The following KALRN variants were observed in gnomAD, a reference collection of about 807,000 sequenced individuals.
KALRN encodes the protein kalirin.
A neutral mutation model predicts 353.7 loss-of-function variants in KALRN; 70 were observed. That is an observed-to-expected ratio of 0.20 (90% confidence interval 0.16 to 0.24). The LOEUF (loss-of-function observed/expected upper bound fraction) is 0.24, where lower values mean the gene tolerates loss of function less well. Ranked by LOEUF, KALRN falls within the 10% of genes least tolerant of loss-of-function variation. The probability of loss-of-function intolerance (pLI) is 1.00; values close to 1 mark genes in which losing one functional copy is unlikely to be tolerated. For synonymous variants in KALRN, 1,391 were observed against 1,434.8 expected, an observed-to-expected ratio of 0.97 and a Z score of 0.69; for missense variants, 2,791 against 3,756.7, an observed-to-expected ratio of 0.74 and a Z score of 6.72.
At chr3:124,465,794 A>G (rs965472028) in intron 25 of KALRN, among the ~76,000 whole-genome samples, 1 of 152,174 alleles carries the variant, frequency 6.6e-6, no homozygotes, top group East Asian at 1.9e-4. Context: ...ATCTGCCTGT[A>G]ATCCAGAGAG....
At chr3:124,594,620 T>A (rs1561371272) in intron 34 of KALRN, among the ~76,000 whole-genome samples, 2 of 152,228 alleles carry the variant, frequency 1.3e-5, no homozygotes. Context: ...GGTTAAGAGT[T>A]CGGTGGGAAG....
chr3:124,658,879 T>C (rs921849740), intron 42 of KALRN, among the ~76,000 whole-genome samples: 2 of 152,184 alleles, frequency 1.3e-5, no homozygotes, highest in Non-Finnish European at 2.9e-5. Context: ...CTTCTGTTGG[T>C]TGAAGGGTTT....
chr3:124,464,238 T>C (rs2060118170), intron 25 of KALRN, among the ~76,000 whole-genome samples: 1 of 152,212 alleles, frequency 6.6e-6, no homozygotes, highest in African/African-American at 2.4e-5. Flanking sequence ...ACTTTCCCCA[T>C]GTTCTTAGCC....
chr3:124,472,609 C>CTG (rs1673095880), intron 25 of KALRN, among the ~76,000 whole-genome samples: 1 of 122,202 alleles, frequency 8.2e-6, no homozygotes, highest in East Asian at 2.0e-4. Context: ...GTGTGTGTAC[C>CTG]TGTGTGTGTG....
intron 25 of KALRN, among the ~76,000 whole-genome samples, chr3:124,471,966 C>CAAAA (rs34537933): frequency 2.7e-5 from 3 of 110,826 alleles, no homozygotes; most frequent in Non-Finnish European, 3.7e-5. Flanking sequence ...GACTCCGTCT[C>CAAAA]AAAAAAAAAA....
At chr3:124,289,527 A>T (rs1412173159) in intron 5 of KALRN, among the ~76,000 whole-genome samples, 2 of 152,158 alleles carry the variant, frequency 1.3e-5, no homozygotes, top group African/African-American at 4.8e-5. Context: ...TGATTATGGC[A>T]TCTGTTACTT....
At chr3:124,053,878 T>G (rs2149167127) in intron 1 of KALRN, among the ~76,000 whole-genome samples, 1 of 152,354 alleles carries the variant, frequency 6.6e-6, no homozygotes, top group East Asian at 1.9e-4. Context: ...TGGCTTGTTG[T>G]GCATAAACAT....
chr3:124,253,974 A>G (rs752859466), intron 3 of KALRN, among the ~76,000 whole-genome samples: 1 of 152,172 alleles, frequency 6.6e-6, no homozygotes, highest in Non-Finnish European at 1.5e-5. Context: ...CAGCTGTTTT[A>G]AGTGGGAATC....
intron 33 of KALRN, among the ~76,000 whole-genome samples, chr3:124,541,451 AAAAATT>A (rs1224916440): frequency 1.3e-5 from 2 of 151,984 alleles, no homozygotes; most frequent in Non-Finnish European, 2.9e-5. Context: ...CTCTATCTCA[AAAAATT>A]AAAATTAAAA....
chr3:124,157,556 T>G (rs2069184456), intron 1 of KALRN, among the ~76,000 whole-genome samples: 1 of 152,164 alleles, frequency 6.6e-6, no homozygotes. Flanking sequence ...AAAGTGTGAG[T>G]CAGATTCAAT....
chr3:124,124,990 G>T (rs1339425109), intron 1 of KALRN, among the ~76,000 whole-genome samples: 1 of 152,148 alleles, frequency 6.6e-6, no homozygotes, highest in Non-Finnish European at 1.5e-5. Flanking sequence ...GCGTGGGAGA[G>T]GGTTTGCGTT....
At chr3:124,616,012 C>T (rs1390588581) in intron 34 of KALRN, among the ~76,000 whole-genome samples, 1 of 152,144 alleles carries the variant, frequency 6.6e-6, no homozygotes, top group Non-Finnish European at 1.5e-5. Context: ...GTCCAAGAGA[C>T]CCTAAGCCTT....
chr3:124,033,659 C>T lies in KALRN; in HGVS notation c.-82C>T, dbSNP rs2039099587. On this transcript the variant is annotated 5_prime_UTR_variant, in exon 1 of 60. Transcript: ENST00000682506. The surrounding 1 kb of genome is among the most constrained non-coding windows in gnomAD (Gnocchi z 6.2). The stretch of plus-strand genomic sequence containing the variant: ...GCGGCCGCAGCAGCTGCGCCCCGCG[C>T]CCTCCGCCCACCGGGCGCCGAGCAG... Among the ~76,000 whole-genome samples the T allele has an allele frequency of 6.6e-6, 1 of 151,722 alleles. No individual in the cohort carries two copies. Among genetic ancestry groups the T allele is most frequent in the Non-Finnish European group, 1.5e-5 (1 of 67,888 alleles).
At chr3:124,247,449 G>A (rs7609978) in intron 3 of KALRN, among the ~76,000 whole-genome samples, 1,870 of 21,012 alleles carry the variant, frequency 0.089, 29 homozygotes, top group East Asian at 0.18. Context: ...TGTTTCACCT[G>A]CTATGTTGAA....
intron 2 of KALRN, among the ~76,000 whole-genome samples, chr3:124,230,758 G>A (rs1579725331): frequency 2.0e-5 from 3 of 151,424 alleles, no homozygotes; most frequent in South Asian, 2.1e-4. Flanking sequence ...TTGCCCTTCC[G>A]TGTCTGGGAA....
At position 124,723,005 on chromosome 3, in the gene KALRN, G is replaced by A. The variant is rs1241579890; in HGVS notation, c.*3535G>A. On this transcript the variant is annotated 3_prime_UTR_variant, in exon 60 of 60. Transcript: ENST00000682506. ...TTTTACATTTGTTTCAAATTAAATAGATATATATCCACTTACAGCTGAATG... is the reference window on the plus strand; with the variant it reads ...TTTTACATTTGTTTCAAATTAAATAAATATATATCCACTTACAGCTGAATG... 1 of 152,098 alleles carries A rather than the reference G, an allele frequency of 6.6e-6. No homozygotes were observed. The highest frequency in any genetic ancestry group is 1.5e-5 in the Non-Finnish European group (1 of 68,032). 9.4% of individuals were successfully genotyped at this position (152,098 alleles called of 1,614,324 possible). A position where few individuals can be genotyped will look rare whatever the true frequency, so the allele number is the denominator to read the frequency against.
chr3:124,679,560 T>C (rs2150463467), intron 51 of KALRN, 43 bp downstream of exon 51: 1 of 1,497,882 alleles, frequency 6.7e-7, no homozygotes, highest in East Asian at 2.3e-5. Context: ...AATGATTGCC[T>C]TTTTTGATGT....
intron 3 of KALRN, among the ~76,000 whole-genome samples, chr3:124,254,359 A>T (rs778553001): frequency 2.0e-5 from 3 of 148,298 alleles, no homozygotes; most frequent in Non-Finnish European, 3.0e-5. Flanking sequence ...TTCTAACAGG[A>T]GGAGCTAGCA....
At chr3:124,264,793 C>T (rs959389128) in intron 4 of KALRN, 103 bp downstream of exon 4, 3 of 1,003,236 alleles carry the variant, frequency 3.0e-6, no homozygotes, top group Non-Finnish European at 4.5e-6. Flanking sequence ...TATGTGACAC[C>T]TCAAGGGCTG....
Sources: gnomAD v4.1 joint callset for allele counts (sites outside exome capture counted in the v4.1 genomes callset) on GRCh38, gnomAD v4.1.1 for gene constraint, Gnocchi (gnomAD v3.1) non-coding constraint, MANE v1.5 for transcripts, NCBI Gene and HGNC (gene_info 2026-07-23, HGNC 2026-07-21) for gene names.